The following SLC35F1 variants were observed in gnomAD, a reference collection of about 807,000 sequenced individuals.
The protein encoded by SLC35F1 is chromosome 6 open reading frame 169.
SLC35F1 carries 14 observed loss-of-function variants against 48.7 expected under a neutral mutation model. The ratio of observed to expected loss-of-function variants is 0.29; its 90% CI spans 0.19 to 0.45. SLC35F1 has a LOEUF of 0.45. SLC35F1 is among the 20% of genes least tolerant of loss of function. SLC35F1 has a pLI of 1.00. For missense variants in SLC35F1, 404 were observed against 500.0 expected (o/e 0.81, Z 1.83); for synonymous variants, 190 against 202.2 (o/e 0.94, Z 0.51).
At chr6:118,167,576 G>A (rs960856222) in intron 2 of SLC35F1, among the ~76,000 whole-genome samples, 9 of 152,114 alleles carry the variant, frequency 5.9e-5, no homozygotes, top group African/African-American at 2.2e-4. Flanking sequence ...TAAAGGTACA[G>A]TAAAAATATG....
intron 7 of SLC35F1, among the ~76,000 whole-genome samples, chr6:118,291,276 CACACACACAT>C (rs1179528488): frequency 6.9e-4 from 70 of 102,002 alleles, no homozygotes; most frequent in South Asian, 4.4e-3. Context: ...CACACACACA[CACACACACAT>C]ATATAATAAC....
intron 2 of SLC35F1, among the ~76,000 whole-genome samples, chr6:118,194,939 T>C (rs1774781020): frequency 6.6e-6 from 1 of 152,150 alleles, no homozygotes; most frequent in Non-Finnish European, 1.5e-5. Flanking sequence ...CAGAAGCCTC[T>C]CAATTTTGTA....
intron 6 of SLC35F1, among the ~76,000 whole-genome samples, chr6:118,278,299 G>A (rs1775942328): frequency 6.6e-6 from 1 of 152,198 alleles, no homozygotes; most frequent in Non-Finnish European, 1.5e-5. Context: ...TGTGTGCAGA[G>A]TGAATGTAAG....
chr6:118,184,568 CTG>C (rs1331474133), intron 2 of SLC35F1, among the ~76,000 whole-genome samples: 1 of 152,180 alleles, frequency 6.6e-6, no homozygotes, highest in African/African-American at 2.4e-5. Context: ...CCAGCAGGAA[CTG>C]TCTTTCGAGT....
chr6:118,043,175 C>A (rs1772251542), intron 1 of SLC35F1, among the ~76,000 whole-genome samples: 1 of 152,092 alleles, frequency 6.6e-6, no homozygotes, highest in Non-Finnish European at 1.5e-5. Flanking sequence ...CATGATCTGT[C>A]CCTAACAGGT....
At chr6:117,930,549 C>G (rs555236686) in intron 1 of SLC35F1, among the ~76,000 whole-genome samples, 4 of 152,140 alleles carry the variant, frequency 2.6e-5, no homozygotes, top group African/African-American at 9.6e-5. Flanking sequence ...CTTTTCTAAG[C>G]CTTAATGCTA....
intron 1 of SLC35F1, among the ~76,000 whole-genome samples, chr6:117,940,110 T>C (rs117516271): frequency 0.017 from 2,665 of 152,298 alleles, 33 homozygotes; most frequent in South Asian, 0.029. Context: ...AAGAAAACCA[T>C]TTTTCATTTC....
chr6:118,272,793 G>T (rs2114627792), intron 4 of SLC35F1, among the ~76,000 whole-genome samples: 2 of 141,800 alleles, frequency 1.4e-5, no homozygotes, highest in South Asian at 2.2e-4. Flanking sequence ...TTTTAGCATA[G>T]AAATTTAGAC....
At chr6:118,051,724 G>A (rs1772394699) in intron 1 of SLC35F1, among the ~76,000 whole-genome samples, 1 of 152,184 alleles carries the variant, frequency 6.6e-6, no homozygotes, top group Non-Finnish European at 1.5e-5. Flanking sequence ...ATTACAAAGT[G>A]CAAGAAAGAT....
At chr6:118,114,656 G>A (rs117837112) in intron 1 of SLC35F1, among the ~76,000 whole-genome samples, 23,321 of 152,088 alleles carry the variant, frequency 0.15, 2,210 homozygotes, top group Non-Finnish European at 0.22. Context: ...GATTACAGGC[G>A]TGAGCTACCG....
rs569842959 is a variant in SLC35F1 at position 118,315,479 on chromosome 6, G to C, written c.*1227G>C. ...TTTTGAGACGGAGTCTCACTCTGTC[G>C]CCCAGGCTGGAGTGCGGTGGCACGA... On this transcript the variant is annotated 3_prime_UTR_variant, in exon 8 of 8. Transcript: ENST00000360388. 4 of 117,706 alleles carry C rather than the reference G, an allele frequency of 3.4e-5. No homozygotes were observed. Among genetic ancestry groups the C allele is most frequent in the Non-Finnish European group, 6.4e-5 (4 of 62,096 alleles). 7.3% of individuals were successfully genotyped at this position (117,706 alleles called of 1,614,324 possible). A position where few individuals can be genotyped will look rare whatever the true frequency, so the allele number is the denominator to read the frequency against.
intron 2 of SLC35F1, among the ~76,000 whole-genome samples, chr6:118,227,864 GA>G (rs1775238688): frequency 6.6e-6 from 1 of 152,216 alleles, no homozygotes; most frequent in Non-Finnish European, 1.5e-5. Flanking sequence ...AGTTGGGTGA[GA>G]GGGGAACAAA....
intron 1 of SLC35F1, among the ~76,000 whole-genome samples, chr6:118,006,605 C>T (rs1208666055): frequency 6.6e-6 from 1 of 151,960 alleles, no homozygotes; most frequent in Non-Finnish European, 1.5e-5. Context: ...GGTGATAGAG[C>T]AAGACTCTGT....
At chr6:118,268,806 C>T (rs1002094428) in intron 4 of SLC35F1, among the ~76,000 whole-genome samples, 1 of 151,766 alleles carries the variant, frequency 6.6e-6, no homozygotes, top group African/African-American at 2.4e-5. Context: ...AACGGGGTTT[C>T]ATCACATTGA....
chr6:118,117,265 G>C (rs1390459818), intron 1 of SLC35F1, among the ~76,000 whole-genome samples: 1 of 152,166 alleles, frequency 6.6e-6, no homozygotes, highest in Non-Finnish European at 1.5e-5. Context: ...TTTCTAAAGA[G>C]TCTTACAAAG....
chr6:118,113,707 T>C (rs747610978), intron 1 of SLC35F1, among the ~76,000 whole-genome samples: 2 of 152,206 alleles, frequency 1.3e-5, no homozygotes, highest in African/African-American at 2.4e-5. Flanking sequence ...TTTCTAACTA[T>C]ACTTTCAGTT....
intron 2 of SLC35F1, among the ~76,000 whole-genome samples, chr6:118,229,471 C>G (rs930253650): frequency 6.6e-6 from 1 of 152,054 alleles, no homozygotes; most frequent in African/African-American, 2.4e-5. Flanking sequence ...GGGTGCCCTG[C>G]AAGTGAGTTT....
intron 2 of SLC35F1, among the ~76,000 whole-genome samples, chr6:118,157,663 G>A (rs1774166727): frequency 6.6e-6 from 1 of 152,150 alleles, no homozygotes; most frequent in South Asian, 2.1e-4. Context: ...GAAGTCCGAT[G>A]TTTGAGGGCA....
intron 1 of SLC35F1, among the ~76,000 whole-genome samples, chr6:118,048,102 T>A (rs1196888342): frequency 2.0e-5 from 3 of 152,160 alleles, no homozygotes; most frequent in East Asian, 1.9e-4. Context: ...GCGTTGTTGA[T>A]TTTTGTCAAA....
Sources: allele counts gnomAD v4.1 joint callset (sites outside exome capture counted in the v4.1 genomes callset), GRCh38; gene constraint gnomAD v4.1.1; transcripts MANE v1.5; gene names NCBI Gene and HGNC (gene_info 2026-07-23, HGNC 2026-07-21).